CACNA2D3: variants seen among roughly 807,000 people sequenced by gnomAD.
The protein encoded by CACNA2D3 is calcium voltage-gated channel auxiliary subunit alpha2delta 3.
CACNA2D3 carries 60 observed loss-of-function variants against 160.6 expected under a neutral mutation model. The observed-to-expected ratio is 0.37, with a 90% confidence interval of 0.30 to 0.46. CACNA2D3 has a LOEUF of 0.46. Among genes scored for constraint, CACNA2D3 ranks in the 20% least tolerant of loss-of-function variants. The pLI, the probability that CACNA2D3 is intolerant of heterozygous loss-of-function variation, is 1.00. For missense variants in CACNA2D3, 1,205 were observed against 1,365.0 expected (o/e 0.88, Z 1.85); for synonymous variants, 558 against 492.9 (o/e 1.13, Z -1.75).
chr3:54,289,604 A>G (rs148439466), intron 2 of CACNA2D3, among the ~76,000 whole-genome samples: 184 of 152,340 alleles, frequency 1.2e-3, no homozygotes, highest in African/African-American at 3.8e-3. Context: ...CACCAAGTCA[A>G]TCCTACGCCG....
intron 4 of CACNA2D3, among the ~76,000 whole-genome samples, chr3:54,447,983 C>G (rs929244465): frequency 1.3e-5 from 2 of 152,162 alleles, no homozygotes; most frequent in Non-Finnish European, 2.9e-5. Flanking sequence ...AAACTCCACA[C>G]AAAGTAGCAC....
At chr3:54,598,129 A>AC (rs1473272252) in intron 9 of CACNA2D3, among the ~76,000 whole-genome samples, 2 of 146,290 alleles carry the variant, frequency 1.4e-5, no homozygotes, top group Non-Finnish European at 3.0e-5. Flanking sequence ...ATCTCTACTA[A>AC]AAAAAAAAAA....
intron 17 of CACNA2D3, among the ~76,000 whole-genome samples, chr3:54,865,927 A>G (rs1391832557): frequency 6.6e-6 from 1 of 152,120 alleles, no homozygotes; most frequent in Admixed American, 6.6e-5. Context: ...GAAAATGAGG[A>G]AAATGAGGCA....
chr3:54,325,845 C>T (rs984537907), intron 3 of CACNA2D3, among the ~76,000 whole-genome samples: 1 of 152,196 alleles, frequency 6.6e-6, no homozygotes, highest in Non-Finnish European at 1.5e-5. Flanking sequence ...CTGAAACTCA[C>T]ACCTGTAAAT....
At chr3:54,471,705 A>G (rs867944978) in intron 4 of CACNA2D3, among the ~76,000 whole-genome samples, 5 of 152,322 alleles carry the variant, frequency 3.3e-5, no homozygotes, top group South Asian at 2.1e-4. Context: ...ATAATAAAAA[A>G]TAATAAAGGG....
At chr3:55,012,817 G>A (rs1274326796) in intron 34 of CACNA2D3, among the ~76,000 whole-genome samples, 2 of 152,116 alleles carry the variant, frequency 1.3e-5, no homozygotes, top group African/African-American at 4.8e-5. Flanking sequence ...ACCAAGGGGT[G>A]CAGAGTAGGG....
rs565795402 is a variant in CACNA2D3 at position 54,754,514 on chromosome 3, G to A, written c.1246+1837G>A. On this transcript the variant is annotated intron_variant, in intron 12 of 37. Coordinates refer to ENST00000474759, the MANE Select transcript of CACNA2D3 (RefSeq NM_018398.3). ...TGTGTTATGTTGATCTCTGGGTCCTGTTGGCCTCCCTTCTGAGGCTACAAG... is the reference window on the plus strand; with the variant it reads ...TGTGTTATGTTGATCTCTGGGTCCTATTGGCCTCCCTTCTGAGGCTACAAG... 3.3e-5 allele frequency among the ~76,000 whole-genome samples: 5 copies of A among 152,308 alleles called. No individual in the cohort carries two copies. The East Asian group carries it at 9.7e-4, about 29-fold the overall frequency.
intron 27 of CACNA2D3, among the ~76,000 whole-genome samples, chr3:54,957,620 G>A (rs1701933392): frequency 6.6e-6 from 1 of 152,112 alleles, no homozygotes; most frequent in Non-Finnish European, 1.5e-5. Flanking sequence ...AGGGCCGGTG[G>A]GGAAGTGCTG....
intron 29 of CACNA2D3, among the ~76,000 whole-genome samples, chr3:54,979,380 T>C (rs2107092176): frequency 6.6e-6 from 1 of 152,336 alleles, no homozygotes; most frequent in Middle Eastern, 3.4e-3. Flanking sequence ...CCTATTACAA[T>C]AGAAAAGAGA....
At chr3:54,543,635 G>T (rs1195168802) in intron 5 of CACNA2D3, among the ~76,000 whole-genome samples, 1 of 152,222 alleles carries the variant, frequency 6.6e-6, no homozygotes, top group Non-Finnish European at 1.5e-5. Flanking sequence ...GAGGTGGCCA[G>T]TGTGACAGCA....
chr3:55,038,796 T>C (rs1703889955), intron 35 of CACNA2D3, among the ~76,000 whole-genome samples: 1 of 149,772 alleles, frequency 6.7e-6, no homozygotes, highest in Non-Finnish European at 1.5e-5. Context: ...CAGTCGTGGT[T>C]CTTGAGATAG....
intron 35 of CACNA2D3, among the ~76,000 whole-genome samples, chr3:55,065,058 G>A (rs1009971160): frequency 6.6e-6 from 1 of 152,088 alleles, no homozygotes; most frequent in African/African-American, 2.4e-5. Context: ...ACTCTAATTA[G>A]CCTGCTCTGA....
intron 30 of CACNA2D3, among the ~76,000 whole-genome samples, chr3:54,985,215 T>C (rs1702588390): frequency 6.6e-6 from 1 of 152,188 alleles, no homozygotes; most frequent in African/African-American, 2.4e-5. Context: ...AGGAATATTC[T>C]TCATTTGACT....
At chr3:54,280,064 GTTTGTTTA>G (rs1319254326) in intron 2 of CACNA2D3, among the ~76,000 whole-genome samples, 17 of 131,410 alleles carry the variant, frequency 1.3e-4, no homozygotes, top group African/African-American at 2.7e-4. Flanking sequence ...TTGTTTGTTT[GTTTGTTTA>G]TTTATTTATT....
At chr3:54,291,129 A>G (rs1490764912) in intron 2 of CACNA2D3, among the ~76,000 whole-genome samples, 1 of 152,214 alleles carries the variant, frequency 6.6e-6, no homozygotes, top group Non-Finnish European at 1.5e-5. Context: ...GCATACCAAA[A>G]TACAAATTGT....
chr3:55,002,157 CA>C (rs543053532), intron 31 of CACNA2D3, among the ~76,000 whole-genome samples: 10,569 of 93,864 alleles, frequency 0.11, 1,159 homozygotes, highest in African/African-American at 0.32. Flanking sequence ...GACTCCATAT[CA>C]AAAAAAAAAA....
intron 4 of CACNA2D3, among the ~76,000 whole-genome samples, chr3:54,459,106 C>T (rs568510396): frequency 6.2e-4 from 94 of 152,114 alleles, no homozygotes; most frequent in African/African-American, 2.1e-3. Context: ...ATGAACACAT[C>T]ATTTTTATGG....
In CACNA2D3 at chr3:54,752,585, T is replaced by A. The variant is rs1701880262; in HGVS notation, c.1168-14T>A. 6.2e-7 allele frequency: 1 copy of A among 1,608,530 alleles called. No homozygotes were observed. The highest frequency in any genetic ancestry group is 8.5e-7 in the Non-Finnish European group (1 of 1,175,886). On this transcript the variant is annotated splice_polypyrimidine_tract_variant and intron_variant, in intron 11 of 37. Coordinates refer to ENST00000474759, the MANE Select transcript of CACNA2D3 (RefSeq NM_018398.3). The stretch of plus-strand genomic sequence containing the variant: ...AGTGAATGCCGCTCAGCCATGCGTT[T>A]GTCTTCCCTTCAGGTTCGCATCTTC...
At chr3:54,780,964 T>C (rs1702524118) in intron 13 of CACNA2D3, among the ~76,000 whole-genome samples, 1 of 152,200 alleles carries the variant, frequency 6.6e-6, no homozygotes, top group South Asian at 2.1e-4. Context: ...GTAACAAAAC[T>C]GTATTGAAAA....
Sources: allele counts gnomAD v4.1 joint callset (sites outside exome capture counted in the v4.1 genomes callset), GRCh38; gene constraint gnomAD v4.1.1; transcripts MANE v1.5; gene names NCBI Gene and HGNC (gene_info 2026-07-23, HGNC 2026-07-21).